The following CHST3 variants were observed in gnomAD, a reference collection of about 807,000 sequenced individuals.
The protein encoded by CHST3 is carbohydrate sulfotransferase 3.
In CHST3, 20 loss-of-function variants were observed where a neutral mutation model predicts 35.4. That is an observed-to-expected ratio of 0.57 (90% CI 0.40 to 0.82). The LOEUF (loss-of-function observed/expected upper bound fraction) is 0.82, where lower values mean the gene tolerates loss of function less well. CHST3 is among the 40% of genes least tolerant of loss of function. The pLI is 0.00. For synonymous variants in CHST3, 334 were observed against 295.9 expected, an observed-to-expected ratio of 1.13 and a Z score of -1.32; for missense variants, 693 against 670.1, an observed-to-expected ratio of 1.03 and a Z score of -0.38.
At chr10:71,990,751 C>G (rs1839890049) in intron 1 of CHST3, among the ~76,000 whole-genome samples, 1 of 152,208 alleles carries the variant, frequency 6.6e-6, no homozygotes, top group South Asian at 2.1e-4. Flanking sequence ...TGCCAGCACA[C>G]TGGGATTCGA....
In CHST3 at chr10:72,005,887, G is replaced by C. The variant is rs991162574; in HGVS notation, c.45G>C (p.Val15=). The C allele has an allele frequency of 2.5e-6, 4 of 1,614,132 alleles. No individual in the cohort carries two copies. Among genetic ancestry groups the C allele is most frequent in the Non-Finnish European group, 3.4e-6 (4 of 1,180,062 alleles). ...TGCCCCAGGACTGCCGGGACTTTGTGCACAGCCTGAAGATGAGAAGCAAAT... is the reference window on the plus strand; with the variant it reads ...TGCCCCAGGACTGCCGGGACTTTGTCCACAGCCTGAAGATGAGAAGCAAAT... The part of the protein sequence containing the change: ...LTLPQDCRDF[V]HSLKMRSKYA... The change falls in exon 2 of 3, where the codon GTG becomes GTC. Residue 15 remains valine (V), a synonymous_variant. Transcript: ENST00000373115.
chr10:71,997,287 A>G (rs972912680), intron 1 of CHST3, among the ~76,000 whole-genome samples: 5 of 152,154 alleles, frequency 3.3e-5, no homozygotes, highest in Non-Finnish European at 2.9e-5. Flanking sequence ...TACCTCATAG[A>G]TAAGTGAGAT....
intron 1 of CHST3, among the ~76,000 whole-genome samples, chr10:72,005,283 T>TGTGTGTG: frequency 6.7e-6 from 1 of 149,314 alleles, no homozygotes; most frequent in Non-Finnish European, 1.5e-5. Flanking sequence ...GTCTGCACCT[T>TGTGTGTG]TGTGTGTGTG....
intron 1 of CHST3, among the ~76,000 whole-genome samples, chr10:71,978,365 T>TAAAA (rs59485657): frequency 1.5e-5 from 2 of 133,286 alleles, no homozygotes; most frequent in Non-Finnish European, 3.3e-5. Flanking sequence ...GCCTCCGTCT[T>TAAAA]AAAAAAAAAA....
At chr10:71,972,387 C>T (rs1839704198) in intron 1 of CHST3, among the ~76,000 whole-genome samples, 1 of 152,172 alleles carries the variant, frequency 6.6e-6, no homozygotes, top group Non-Finnish European at 1.5e-5. Flanking sequence ...GCAATGTTGG[C>T]GTTGCATGGC....
intron 1 of CHST3, among the ~76,000 whole-genome samples, chr10:71,980,272 T>C (rs1374284539): frequency 6.6e-6 from 1 of 152,104 alleles, no homozygotes; most frequent in African/African-American, 2.4e-5. Flanking sequence ...TCCAAACACT[T>C]TGGGAGGCCG....
intron 1 of CHST3, among the ~76,000 whole-genome samples, chr10:71,991,630 A>C (rs538547316): frequency 6.6e-6 from 1 of 152,272 alleles, no homozygotes; most frequent in South Asian, 2.1e-4. Context: ...TTCCCAGTGC[A>C]TATAAAATTT....
chr10:71,991,896 T>C (rs889162928), intron 1 of CHST3, among the ~76,000 whole-genome samples: 6 of 151,576 alleles, frequency 4.0e-5, no homozygotes, highest in African/African-American at 9.7e-5. Flanking sequence ...ATACATGCCA[T>C]TGCACTCCAG....
intron 1 of CHST3, among the ~76,000 whole-genome samples, chr10:71,976,403 A>G (rs1839746269): frequency 6.6e-6 from 1 of 152,130 alleles, no homozygotes; most frequent in Non-Finnish European, 1.5e-5. Context: ...TAACGCGTGT[A>G]TCAGTGTACC....
At chr10:71,987,759 G>C (rs925385709) in intron 1 of CHST3, among the ~76,000 whole-genome samples, 1 of 151,196 alleles carries the variant, frequency 6.6e-6, no homozygotes, top group Non-Finnish European at 1.5e-5. Flanking sequence ...AGTAGGGTTG[G>C]AAGAAAACAG....
At position 72,008,401 on chromosome 10, in the gene CHST3, G is replaced by T; in HGVS notation, c.1370G>T (p.Arg457Leu). Residue 457 changes from arginine to leucine, a missense_variant, in exon 3 of 3, where the codon CGG becomes CTG. Transcript: ENST00000373115. ...CGCCTCTTCGGCTACAAACTGGCGC[G>T]GGACGCCGCCGCCCTCACCAACCGC... ...AMRLFGYKLA[R>L]DAAALTNRSV... is the part of the protein sequence containing the mutation. The T allele has an allele frequency of 6.4e-7, 1 of 1,571,380 alleles. No individual in the cohort carries two copies. Among genetic ancestry groups the T allele is most frequent in the Non-Finnish European group, 8.6e-7 (1 of 1,159,520 alleles).
chr10:71,985,381 C>T (rs1839838611), intron 1 of CHST3, among the ~76,000 whole-genome samples: 1 of 152,234 alleles, frequency 6.6e-6, no homozygotes, highest in Non-Finnish European at 1.5e-5. Context: ...AGGATCCTGT[C>T]CCCTGTTTTT....
At position 72,005,993 on chromosome 10, in the gene CHST3, C is replaced by T. The variant is rs368034290; in HGVS notation, c.140+11C>T. 7 of 1,523,578 alleles carry T rather than the reference C, an allele frequency of 4.6e-6. No homozygotes were observed. In the African/African-American group the frequency reaches 9.6e-5, roughly 21 times the overall value. The allele number at this position is 1,523,578 out of a possible 1,614,324, so 94.4% of individuals were successfully genotyped here. On this transcript the variant is annotated intron_variant, in intron 2 of 2. Coordinates refer to ENST00000373115, the MANE Select transcript of CHST3 (RefSeq NM_004273.5). ...TAAAATCATATCAAGGTGAGGGTTG[C>T]AAGCCCAAGTCTTCATCTTCCTTTC...
intron 1 of CHST3, among the ~76,000 whole-genome samples, chr10:71,979,852 C>T (rs867616323): frequency 6.6e-6 from 1 of 152,160 alleles, no homozygotes; most frequent in Non-Finnish European, 1.5e-5. Flanking sequence ...GGTCCGTATG[C>T]GTATAGACAC....
At chr10:71,992,173 AT>A (rs1036141416) in intron 1 of CHST3, among the ~76,000 whole-genome samples, 5 of 151,020 alleles carry the variant, frequency 3.3e-5, no homozygotes, top group Admixed American at 2.6e-4. Flanking sequence ...CTTTCTTTTT[AT>A]TTTTTTTGTT....
Position 71,968,222 on chromosome 10 carries a change from G to C in CHST3, c.-108+3528G>C, listed in dbSNP as rs373198863. 2.2e-3 allele frequency among the ~76,000 whole-genome samples: 337 copies of C among 152,138 alleles called. 1 individual carries two copies. The highest frequency in any genetic ancestry group is 7.8e-3 in the African/African-American group (325 of 41,516). The stretch of plus-strand genomic sequence containing the variant: ...TGGTATCTCATTGTGGTTTTGATTT[G>C]CATTTTTCTAATGATTAGTGATGTT... On this transcript the variant is annotated intron_variant, in intron 1 of 2. Transcript: ENST00000373115.
At position 71,968,665 on chromosome 10, in the gene CHST3, C is replaced by T. The variant is rs79347204; in HGVS notation, c.-108+3971C>T. Among the ~76,000 whole-genome samples, 18 of 152,226 alleles carry T rather than the reference C, an allele frequency of 1.2e-4. No homozygotes were observed. The East Asian group carries it at 2.9e-3, about 24-fold the overall frequency. ...CCCTGATGCTTCTTACTAACGTGGT[C>T]CCAGGGCCTCTGCTTGCATTCTTCT... is the stretch of plus-strand genomic sequence containing the variant. On this transcript the variant is annotated intron_variant, in intron 1 of 2. Transcript: ENST00000373115.
rs1194001685 is a variant in CHST3, at chr10:72,005,761, C to T, written c.-82C>T. 6.9e-6 allele frequency: 11 copies of T among 1,585,506 alleles called. No individual in the cohort carries two copies. Among genetic ancestry groups the T allele is most frequent in the Admixed American group, 1.7e-5 (1 of 59,720 alleles). ...GACAAGGGTGTCCCCCACCTGAAGA[C>T]GGCAAGCTGGGTCCTGAGTGATGCC... is the stretch of plus-strand genomic sequence containing the variant. On this transcript the variant is annotated 5_prime_UTR_variant, in exon 2 of 3. It adds an upstream start codon to the 5' untranslated region. Transcript: ENST00000373115.
At chr10:71,996,944 A>G (rs530502290) in intron 1 of CHST3, among the ~76,000 whole-genome samples, 1 of 151,616 alleles carries the variant, frequency 6.6e-6, no homozygotes, top group Admixed American at 6.6e-5. Context: ...TTTTTTTGAG[A>G]CAGGGTCTCA....
Sources: gnomAD v4.1 joint callset for allele counts (sites outside exome capture counted in the v4.1 genomes callset) on GRCh38, gnomAD v4.1.1 for gene constraint, MANE v1.5 for transcripts, NCBI Gene and HGNC (gene_info 2026-07-23, HGNC 2026-07-21) for gene names.